The following EPS8 variants were observed in gnomAD, a reference collection of about 807,000 sequenced individuals.
EPS8 encodes the protein epidermal growth factor receptor kinase substrate 8.
EPS8 carries 42 observed loss-of-function variants against 103.8 expected under a neutral mutation model. The ratio of observed to expected loss-of-function variants is 0.40; its 90% CI spans 0.32 to 0.52. EPS8 has a LOEUF of 0.52. EPS8 is among the 20% of genes least tolerant of loss of function. EPS8 has a pLI of 0.40. For synonymous variants in EPS8, 344 were observed against 344.6 expected, an observed-to-expected ratio of 1.00 and a Z score of 0.02; for missense variants, 969 against 1,005.1, an observed-to-expected ratio of 0.96 and a Z score of 0.49.
At chr12:15,663,208 A>G (rs574343414) in intron 8 of EPS8, among the ~76,000 whole-genome samples, 1 of 152,110 alleles carries the variant, frequency 6.6e-6, no homozygotes, top group Admixed American at 6.5e-5. Flanking sequence ...GGAACTCTAC[A>G]GAGGCCCCAA....
chr12:15,669,337 T>A, intron 6 of EPS8, 50 bp downstream of exon 6: 1 of 1,537,576 alleles, frequency 6.5e-7, no homozygotes, highest in South Asian at 1.2e-5. Context: ...ATTCAAAAGC[T>A]CCCAGACAAT....
At chr12:15,654,891 G>A (rs1334930087) in intron 12 of EPS8, among the ~76,000 whole-genome samples, 2 of 152,038 alleles carry the variant, frequency 1.3e-5, no homozygotes, top group East Asian at 3.9e-4. Flanking sequence ...TTTAATGACA[G>A]CAGAAACAAA....
Position 15,631,632 on chromosome 12 carries a change from A to G in EPS8, c.1854T>C (p.Ala618=), listed in dbSNP as rs747177983. Residue 618 remains alanine (A), a synonymous_variant, in exon 18 of 21, where the codon GCT becomes GCC. Coordinates refer to ENST00000281172, the MANE Select transcript of EPS8 (RefSeq NM_004447.6). ...GAGGTGATGGAGCAGGGGGAGTATC[A>G]GCTGGTCTTGGGCCATACTCCATCC... ...KQRMEYGPRP[A]DTPPAPSPPP... is the part of the protein sequence containing the mutation. 1.6e-4 allele frequency: 263 copies of G among 1,613,812 alleles called. 1 individual carries two copies. Among genetic ancestry groups the G allele is most frequent in the Non-Finnish European group, 2.2e-4 (254 of 1,179,890 alleles).
At chr12:15,665,599 G>C (rs1361075792) in intron 8 of EPS8, 157 bp downstream of exon 8, 6 of 802,686 alleles carry the variant, frequency 7.5e-6, no homozygotes, top group Middle Eastern at 3.2e-4. Flanking sequence ...CCAAAGCACT[G>C]GGATTACAGG....
Position 15,780,261 on chromosome 12 carries a change from G to A in EPS8, c.-22+8900C>T, listed in dbSNP as rs1285054907. 1.3e-5 allele frequency: 2 copies of A among 151,970 alleles called. No individual in the cohort carries two copies. Among genetic ancestry groups the A allele is most frequent in the African/African-American group, 4.8e-5 (2 of 41,356 alleles). The allele number at this position is 151,970 out of a possible 1,614,324, so 9.4% of individuals were successfully genotyped here. On this transcript the variant is annotated intron_variant, in intron 1 of 20. Coordinates refer to ENST00000281172, the MANE Select transcript of EPS8 (RefSeq NM_004447.6). This position sits in a 1 kb window ranked among gnomAD's most constrained non-coding sequence, Gnocchi z 4.1. Reference sequence around the variant, plus strand: ...TCAGTTCTTTCTAATACTCCCGTAAGCTCTGAATGTGGGAATGTGCAGAAT... The same window carrying A: ...TCAGTTCTTTCTAATACTCCCGTAAACTCTGAATGTGGGAATGTGCAGAAT...
chr12:15,662,033 C>T lies in EPS8; in HGVS notation c.803G>A (p.Arg268Lys), dbSNP rs1490973189. 1.9e-6 allele frequency: 3 copies of T among 1,613,436 alleles called. No homozygotes were observed. Among genetic ancestry groups the T allele is most frequent in the Non-Finnish European group, 2.5e-6 (3 of 1,179,338 alleles). The change falls in exon 9 of 21, where the codon AGA becomes AAA. Residue 268 changes from arginine (R) to lysine (K), a missense_variant. By Grantham distance (26) the Arg-to-Lys change is conservative. Coordinates refer to ENST00000281172, the MANE Select transcript of EPS8 (RefSeq NM_004447.6). ...GGCGACTCCTGTACTTACCACATCT[C>T]TGTCAATGCGGGCTGCCATCATCTC... ...TPEMMAARIDRDVQILNHILD... is the reference protein window; with the variant it reads ...TPEMMAARIDKDVQILNHILD...
chr12:15,774,449 C>T (rs572065961), intron 1 of EPS8, among the ~76,000 whole-genome samples: 80 of 151,244 alleles, frequency 5.3e-4, no homozygotes, highest in African/African-American at 1.9e-3. Context: ...GCCACAGGGA[C>T]GCCAACCATC....
intron 18 of EPS8, among the ~76,000 whole-genome samples, chr12:15,625,899 C>T (rs756070030): frequency 2.8e-4 from 43 of 152,274 alleles, no homozygotes; most frequent in Non-Finnish European, 5.4e-4. Context: ...TTTTTCCAGT[C>T]CTCTTACTCG....
In EPS8 at chr12:15,771,951, C is replaced by T. The variant is rs1267967825; in HGVS notation, c.-22+17210G>A. Among the ~76,000 whole-genome samples, 4 of 152,096 alleles carry T rather than the reference C, an allele frequency of 2.6e-5. No homozygotes were observed. Among genetic ancestry groups the T allele is most frequent in the East Asian group, 3.9e-4 (2 of 5,146 alleles). Reference sequence around the variant, plus strand: ...CATCCTGGCTAATGCGGTGAAACCCCGTCTCTACTAAAAATACAAAAAATT... The same window carrying T: ...CATCCTGGCTAATGCGGTGAAACCCTGTCTCTACTAAAAATACAAAAAATT... On this transcript the variant is annotated intron_variant, in intron 1 of 20. Coordinates refer to ENST00000281172, the MANE Select transcript of EPS8 (RefSeq NM_004447.6). This position sits in a 1 kb window ranked among gnomAD's most constrained non-coding sequence, Gnocchi z 4.6.
rs760732601 is a variant in EPS8, at chr12:15,623,218, T to C, written c.2295A>G (p.Thr765=). 1.2e-6 allele frequency: 2 copies of C among 1,613,426 alleles called. No individual in the cohort carries two copies. Among genetic ancestry groups the C allele is most frequent in the African/African-American group, 2.7e-5 (2 of 74,840 alleles). ...LFSLNKDELR[T]VCPEGARVYS... ...AGACTCTCGCCCCTTCAGGGCAGAC[T>C]GTCCTCAGTTCATCCTTATTGAGAG... Residue 765 remains threonine, a synonymous_variant, in exon 20 of 21, where the codon ACA becomes ACG. Transcript: ENST00000281172.
At position 15,695,556 on chromosome 12, in the gene EPS8, A is replaced by C. The variant is rs1946231712; in HGVS notation, c.-21-12584T>G. Among the ~76,000 whole-genome samples the C allele has an allele frequency of 6.6e-6, 1 of 152,264 alleles. No homozygotes were observed. The highest frequency in any genetic ancestry group is 2.4e-5 in the African/African-American group (1 of 41,466). Reference sequence around the variant, plus strand: ...ATTAGTTTACATTTAAATGTTAATAACCACATATAGACTAACAGCTACCAC... The same window carrying C: ...ATTAGTTTACATTTAAATGTTAATACCCACATATAGACTAACAGCTACCAC... On this transcript the variant is annotated intron_variant, in intron 1 of 20. Coordinates refer to ENST00000281172, the MANE Select transcript of EPS8 (RefSeq NM_004447.6). This position sits in a 1 kb window ranked among gnomAD's most constrained non-coding sequence, Gnocchi z 5.0.
rs748862345 is a variant in EPS8 at position 15,658,477 on chromosome 12, T to A, written c.1026+20A>T. 2.2e-6 allele frequency: 3 copies of A among 1,394,478 alleles called. No individual in the cohort carries two copies. The highest frequency in any genetic ancestry group is 3.1e-6 in the Non-Finnish European group (3 of 981,976). The allele number at this position is 1,394,478 out of a possible 1,614,324, so 86.4% of individuals were successfully genotyped here. A position where few individuals can be genotyped will look rare whatever the true frequency, so the allele number is the denominator to read the frequency against. On this transcript the variant is annotated intron_variant, in intron 11 of 20. Transcript: ENST00000281172. ...TTTCCATTTATTTCTTCTAATTCTA[T>A]ATACATAAATTTCACTTACCAGAAG...
Position 15,780,481 on chromosome 12 carries a change from AACACACACACACACACAC to A in EPS8, c.-22+8662_-22+8679del, listed in dbSNP as rs10637427. The A allele has an allele frequency of 1.1e-4, 13 of 117,546 alleles. No individual in the cohort carries two copies. The South Asian group carries it at 2.1e-3, about 19-fold the overall frequency. The allele number at this position is 117,546 out of a possible 1,614,324, so 7.3% of individuals were successfully genotyped here. ...CTCCTTTCTGCTATGTGCTGGGATA[AACACACACACACACACAC>A]ACACACACACACACACACACACACA... is the stretch of plus-strand genomic sequence containing the variant. On this transcript the variant is annotated intron_variant, in intron 1 of 20. Transcript: ENST00000281172. This position sits in a 1 kb window ranked among gnomAD's most constrained non-coding sequence, Gnocchi z 4.1.
At position 15,716,802 on chromosome 12, in the gene EPS8, A is replaced by G. The variant is rs1946537797; in HGVS notation, c.-21-33830T>C. Among the ~76,000 whole-genome samples the G allele has an allele frequency of 6.6e-6, 1 of 152,210 alleles. No individual in the cohort carries two copies. The highest frequency in any genetic ancestry group is 1.5e-5 in the Non-Finnish European group (1 of 68,032). On this transcript the variant is annotated intron_variant, in intron 1 of 20. Transcript: ENST00000281172. This position sits in a 1 kb window ranked among gnomAD's most constrained non-coding sequence, Gnocchi z 5.0. ...TAGGACAACCAAGCAGAATCGATCA[A>G]CAATGTCACAATCCATTCATCTTGG...
rs1021125917 is a variant in EPS8 at position 15,745,492 on chromosome 12, T to C, written c.-22+43669A>G. The stretch of plus-strand genomic sequence containing the variant: ...AGTCAGCATAGAAATGGAAACCAGG[T>C]ATTATCCCTGAATTAGACAGTCTCT... On this transcript the variant is annotated intron_variant, in intron 1 of 20. Transcript: ENST00000281172. The surrounding 1 kb of genome is among the most constrained non-coding windows in gnomAD (Gnocchi z 4.6). Among the ~76,000 whole-genome samples, 1 of 150,962 alleles carries C rather than the reference T, an allele frequency of 6.6e-6. No homozygotes were observed. The highest frequency in any genetic ancestry group is 1.5e-5 in the Non-Finnish European group (1 of 67,956).
intron 1 of EPS8, among the ~76,000 whole-genome samples, chr12:15,729,110 AT>A: frequency 6.6e-6 from 1 of 152,284 alleles, no homozygotes; most frequent in Admixed American, 6.5e-5. Context: ...GAGATGTCCG[AT>A]GTAATTCTTA....
chr12:15,646,016 T>C (rs879907109), intron 15 of EPS8, among the ~76,000 whole-genome samples: 1 of 152,182 alleles, frequency 6.6e-6, no homozygotes. Context: ...AATATTAAGA[T>C]GAATACTTAG....
rs976034664 is a variant in EPS8 at position 15,778,478 on chromosome 12, G to A, written c.-22+10683C>T. ...CTCTCGACTAAAAGGATCTTGATGT[G>A]CAAAAAACAAAACAAAAACACTGTA... On this transcript the variant is annotated intron_variant, in intron 1 of 20. Coordinates refer to ENST00000281172, the MANE Select transcript of EPS8 (RefSeq NM_004447.6). This position sits in a 1 kb window ranked among gnomAD's most constrained non-coding sequence, Gnocchi z 4.5. Among the ~76,000 whole-genome samples the A allele has an allele frequency of 5.9e-5, 9 of 152,092 alleles. No individual in the cohort carries two copies. Among genetic ancestry groups the A allele is most frequent in the African/African-American group, 2.2e-4 (9 of 41,426 alleles).
intron 4 of EPS8, 54 bp downstream of exon 4, chr12:15,670,802 T>G: frequency 8.1e-7 from 1 of 1,236,224 alleles, no homozygotes; most frequent in Non-Finnish European, 1.2e-6. Context: ...AACTTCCAAT[T>G]TTTATGTTCC....
Sources: allele counts gnomAD v4.1 joint callset (sites outside exome capture counted in the v4.1 genomes callset), GRCh38; gene constraint gnomAD v4.1.1; non-coding constraint Gnocchi (gnomAD v3.1); transcripts MANE v1.5; gene names NCBI Gene and HGNC (gene_info 2026-07-23, HGNC 2026-07-21).